PROM1: variants seen among roughly 807,000 people sequenced by gnomAD.
PROM1 encodes prominin 1.
PROM1 carries 105 observed loss-of-function variants against 116.9 expected under a neutral mutation model. The observed-to-expected ratio is 0.90, with a 90% CI of 0.77 to 1.06. PROM1 has a LOEUF of 1.06. PROM1 is among the 50% of genes least tolerant of loss of function. The pLI is 0.00. For missense variants in PROM1, 1,122 were observed against 1,045.2 expected (o/e 1.07, Z -1.01); for synonymous variants, 393 against 387.0 (o/e 1.02, Z -0.18).
intron 2 of PROM1, among the ~76,000 whole-genome samples, chr4:16,070,568 TTTTG>T (rs1178431983): frequency 2.0e-5 from 3 of 152,200 alleles, no homozygotes; most frequent in Non-Finnish European, 4.4e-5. Context: ...CCTCCCATAA[TTTTG>T]TTTAACAAAA....
intron 8 of PROM1, among the ~76,000 whole-genome samples, 168 bp from the exon 9 acceptor site, chr4:16,018,708 G>C (rs887316894): frequency 3.3e-5 from 5 of 152,160 alleles, no homozygotes; most frequent in African/African-American, 1.2e-4. Context: ...TCGCTAGGCT[G>C]CTCTAACAGC....
chr4:16,015,273 G>A (rs1195767926), intron 10 of PROM1, among the ~76,000 whole-genome samples: 1 of 140,088 alleles, frequency 7.1e-6, no homozygotes, highest in Non-Finnish European at 1.5e-5. Flanking sequence ...TTGAACCTGG[G>A]AGGCAGAGGT....
intron 8 of PROM1, among the ~76,000 whole-genome samples, chr4:16,018,744 CT>C: frequency 6.6e-6 from 1 of 152,268 alleles, no homozygotes; most frequent in South Asian, 2.1e-4. Flanking sequence ...CACTCTTCCA[CT>C]TGGGGTCTCT....
At chr4:16,023,611 T>A (rs780227013) in intron 7 of PROM1, among the ~76,000 whole-genome samples, 196 bp from the exon 8 acceptor site, 3 of 152,132 alleles carry the variant, frequency 2.0e-5, no homozygotes, top group Non-Finnish European at 4.4e-5. Context: ...AGTGAAAAAT[T>A]AATCACTACA....
chr4:16,028,875 C>T (rs1338449064), intron 5 of PROM1, among the ~76,000 whole-genome samples: 1 of 152,118 alleles, frequency 6.6e-6, no homozygotes, highest in East Asian at 1.9e-4. Flanking sequence ...ATTTTTATGG[C>T]CTTACATCTT....
chr4:16,030,600 GC>G (rs1560527112), intron 5 of PROM1, among the ~76,000 whole-genome samples: 1 of 152,104 alleles, frequency 6.6e-6, no homozygotes, highest in East Asian at 1.9e-4. Context: ...ATAAATGGAA[GC>G]CAAGTTTATT....
chr4:15,982,752 C>T (rs1166973891), intron 23 of PROM1, among the ~76,000 whole-genome samples: 3 of 152,144 alleles, frequency 2.0e-5, no homozygotes, highest in Non-Finnish European at 2.9e-5. Flanking sequence ...CTAATGAAGG[C>T]TTCAGCCAAA....
At position 16,009,099 on chromosome 4, in the gene PROM1, C is replaced by T. The variant is rs200907523; in HGVS notation, c.1151G>A (p.Arg384Lys). The T allele has an allele frequency of 1.2e-6, 2 of 1,612,282 alleles. No individual in the cohort carries two copies. The highest frequency in any genetic ancestry group is 1.1e-5 in the South Asian group (1 of 90,792). ...ATCTGAACCAATGGAATTCAAGACC[C>T]TTTTGATACCTGAAAACAAAGATAC... is the stretch of plus-strand genomic sequence containing the variant. ...QTTTVVAGIK[R>K]VLNSIGSDID... Residue 384 changes from arginine to lysine, a missense_variant, in exon 12 of 28, where the codon AGG (arginine) becomes AAG (lysine). Physicochemically the swap from Arg to Lys is conservative, Grantham distance 26 (BLOSUM62 2). Transcript: ENST00000447510.
intron 10 of PROM1, among the ~76,000 whole-genome samples, 178 bp from the exon 11 acceptor site, chr4:16,013,516 C>T (rs1434122107): frequency 6.6e-6 from 1 of 152,138 alleles, no homozygotes; most frequent in Admixed American, 6.6e-5. Flanking sequence ...CTTTAGAGAG[C>T]ATTGTCTTTA....
chr4:16,064,545 T>C (rs1413796433), intron 2 of PROM1, among the ~76,000 whole-genome samples: 2 of 152,332 alleles, frequency 1.3e-5, no homozygotes, highest in African/African-American at 2.4e-5. Context: ...TTGTGAAAAG[T>C]CATCAAGCTG....
intron 7 of PROM1, among the ~76,000 whole-genome samples, chr4:16,024,092 G>T (rs1714768861): frequency 6.6e-6 from 1 of 152,146 alleles, no homozygotes; most frequent in Non-Finnish European, 1.5e-5. Context: ...AAAACAAAAG[G>T]TCCTGCTGCC....
rs528520117 is a variant in PROM1, at chr4:15,998,481, T to C, written c.1586A>G (p.Asp529Gly). The change falls in exon 15 of 28, where the codon GAT (aspartate) becomes GGT (glycine). Residue 529 changes from aspartate (D) to glycine (G), a missense_variant. Transcript: ENST00000447510. ...GTCTTCATTTAGTAAGTAGGGTGTATCCAAAACCTAGAACACATTAGGAAG... is the reference window on the plus strand; with the variant it reads ...GTCTTCATTTAGTAAGTAGGGTGTACCCAAAACCTAGAACACATTAGGAAG... Reference protein sequence around the residue: ...YTSKELFRVLDTPYLLNEDWE... With the variant: ...YTSKELFRVLGTPYLLNEDWE... The C allele has an allele frequency of 1.9e-6, 3 of 1,607,518 alleles. No homozygotes were observed. Among genetic ancestry groups the C allele is most frequent in the African/African-American group, 2.7e-5 (2 of 74,796 alleles).
At chr4:16,040,619 A>C (rs566175746) in intron 2 of PROM1, among the ~76,000 whole-genome samples, 3 of 152,346 alleles carry the variant, frequency 2.0e-5, no homozygotes, top group African/African-American at 7.2e-5. Context: ...TCCGCCACTT[A>C]ACTGTGTGTC....
chr4:15,980,120 A>G (rs73122415), intron 24 of PROM1, among the ~76,000 whole-genome samples: 221 of 152,244 alleles, frequency 1.5e-3, no homozygotes, highest in African/African-American at 5.2e-3. Flanking sequence ...GAAAGTGTAA[A>G]AACAGTTATC....
At chr4:16,001,642 G>A (rs868566504) in intron 13 of PROM1, among the ~76,000 whole-genome samples, 1 of 152,190 alleles carries the variant, frequency 6.6e-6, no homozygotes, top group South Asian at 2.1e-4. Flanking sequence ...TGTGCTGTCT[G>A]CATTGCACAG....
chr4:16,077,073 C>A (rs548502776), intron 1 of PROM1, among the ~76,000 whole-genome samples: 60 of 152,336 alleles, frequency 3.9e-4, no homozygotes, highest in Non-Finnish European at 6.2e-4. Flanking sequence ...GTCCCCCAGC[C>A]CGACACCCGT....
At position 16,025,457 on chromosome 4, in the gene PROM1, C is replaced by A. The variant is rs527960518; in HGVS notation, c.510-145G>T. 3.0e-5 allele frequency: 31 copies of A among 1,034,674 alleles called. No individual in the cohort carries two copies. In the African/African-American group the frequency reaches 4.0e-4, roughly 13 times the overall value. The allele number at this position is 1,034,674 out of a possible 1,614,324, so 64.1% of individuals were successfully genotyped here. ...TCCCGCTGCCCTCTCCTCCCACATCCTTCCCACCGCCATCCCACAGTCAAA... is the reference window on the plus strand; with the variant it reads ...TCCCGCTGCCCTCTCCTCCCACATCATTCCCACCGCCATCCCACAGTCAAA... On this transcript the variant is annotated intron_variant, in intron 5 of 27. Coordinates refer to ENST00000447510, the MANE Select transcript of PROM1 (RefSeq NM_006017.3).
intron 2 of PROM1, among the ~76,000 whole-genome samples, chr4:16,041,773 AATAAATAAATAAAT>A (rs1252020021): frequency 2.7e-3 from 106 of 38,848 alleles, no homozygotes; most frequent in East Asian, 5.5e-3. Context: ...TAAATAAATA[AATAAATAAATAAAT>A]ATATATATAT....
At chr4:16,053,097 T>G (rs2149478185) in intron 2 of PROM1, among the ~76,000 whole-genome samples, 1 of 152,360 alleles carries the variant, frequency 6.6e-6, no homozygotes, top group South Asian at 2.1e-4. Context: ...CGAAATGTCC[T>G]GCATGTCATA....
Sources: allele counts gnomAD v4.1 joint callset (sites outside exome capture counted in the v4.1 genomes callset), GRCh38; gene constraint gnomAD v4.1.1; transcripts MANE v1.5; gene names NCBI Gene and HGNC (gene_info 2026-07-23, HGNC 2026-07-21).